The following CERT1 variants were observed in gnomAD, a reference collection of about 807,000 sequenced individuals.
CERT1 encodes the protein ceramide transfer protein.
In CERT1, 31 loss-of-function variants were observed where a neutral mutation model predicts 87.9. That is an observed-to-expected ratio of 0.35 (90% CI 0.27 to 0.48). The LOEUF (loss-of-function observed/expected upper bound fraction) is 0.48, where lower values mean the gene tolerates loss of function less well. CERT1 is among the 20% of genes least tolerant of loss of function. The pLI, the probability that CERT1 is intolerant of heterozygous loss-of-function variation, is 0.99. For missense variants in CERT1, 487 were observed against 758.0 expected (o/e 0.64, Z 4.20); for synonymous variants, 289 against 250.9 (o/e 1.15, Z -1.44).
intron 2 of CERT1, among the ~76,000 whole-genome samples, chr5:75,486,052 A>C (rs746030575): frequency 1.3e-5 from 2 of 152,110 alleles, no homozygotes; most frequent in Non-Finnish European, 2.9e-5. Flanking sequence ...CACATCAAAC[A>C]AAGAAAATTG....
At chr5:75,495,176 T>G (rs1392093189) in intron 2 of CERT1, among the ~76,000 whole-genome samples, 1 of 152,220 alleles carries the variant, frequency 6.6e-6, no homozygotes, top group Non-Finnish European at 1.5e-5. Context: ...ATTTTTAAAA[T>G]ACGTAATTGT....
In CERT1 at chr5:75,511,419, G is replaced by A; in HGVS notation, c.-212C>T. ...GCGAGGAAGGAGGACGAGCGGTGAA[G>A]GAAGCCTACCCTTCCAGCCGTCAGC... On this transcript the variant is annotated 5_prime_UTR_variant, in exon 1 of 17. Transcript: ENST00000643780. 6.5e-7 allele frequency: 1 copy of A among 1,544,994 alleles called. No homozygotes were observed. The highest frequency in any genetic ancestry group is 8.7e-7 in the Non-Finnish European group (1 of 1,145,368).
At chr5:75,511,711 G>A (rs1231217356), upstream of CERT1, 5 of 1,545,076 alleles carry the variant, frequency 3.2e-6, no homozygotes, top group Admixed American at 5.9e-5. Context: ...CCCTCCCGGC[G>A]TCTGACGCGA....
chr5:75,457,166 G>A lies in CERT1; in HGVS notation c.348+1899C>T, dbSNP rs868349612. On this transcript the variant is annotated intron_variant, in intron 3 of 16. Coordinates refer to ENST00000643780, the MANE Select transcript of CERT1 (RefSeq NM_001379029.1). ...GCACATTTAGCTTCTCTCACCTAAC[G>A]TAAAACTCTTCATCCAGAAACAAGA... 4.6e-5 allele frequency among the ~76,000 whole-genome samples: 7 copies of A among 152,098 alleles called. No individual in the cohort carries two copies. The East Asian group carries it at 1.2e-3, about 25-fold the overall frequency.
downstream of CERT1, chr5:75,375,794 T>C (rs1761278617): frequency 6.6e-6 from 1 of 151,204 alleles, no homozygotes. Flanking sequence ...ATGTTCGCTT[T>C]CCTAGGGTTT....
At chr5:75,484,878 G>C (rs1766434301) in intron 2 of CERT1, among the ~76,000 whole-genome samples, 1 of 152,048 alleles carries the variant, frequency 6.6e-6, no homozygotes, top group Non-Finnish European at 1.5e-5. Context: ...GGACCTAAAA[G>C]ATATTTACAG....
chr5:75,386,458 G>A (rs1382586910), intron 12 of CERT1, among the ~76,000 whole-genome samples: 1 of 152,152 alleles, frequency 6.6e-6, no homozygotes, highest in Non-Finnish European at 1.5e-5. Flanking sequence ...AACACAATAG[G>A]CACTCAGTTA....
At position 75,385,911 on chromosome 5, in the gene CERT1, C is replaced by T; in HGVS notation, c.1408G>A (p.Asp470Asn). 1 of 1,531,198 alleles carries T rather than the reference C, an allele frequency of 6.5e-7. No individual in the cohort carries two copies. The allele number at this position is 1,531,198 out of a possible 1,614,324, so 94.9% of individuals were successfully genotyped here. A position where few individuals can be genotyped will look rare whatever the true frequency, so the allele number is the denominator to read the frequency against. The change falls in exon 13 of 17, where the codon GAC (aspartate) becomes AAC (asparagine). Residue 470 changes from aspartate to asparagine, a missense_variant. By Grantham distance (23) the Asp-to-Asn change is conservative. Transcript: ENST00000643780. ...AATAATGACAGCTTACTTTCCCAGT[C>T]ATTGCGAACGTCAACATTCCAGAAA... ...NYFWNVDVRNDWETTIENFHV... is the reference protein window; with the variant it reads ...NYFWNVDVRNNWETTIENFHV...
chr5:75,485,312 CAAAAA>C (rs757349878), intron 2 of CERT1, among the ~76,000 whole-genome samples: 3 of 46,438 alleles, frequency 6.5e-5, no homozygotes, highest in African/African-American at 2.7e-4. Context: ...CACAAAAATA[CAAAAA>C]AAAAAAAAAA....
rs117997596 is a variant in CERT1, at chr5:75,496,369, G to T, written c.231+9613C>A. ...GCAAATGGAATTTTCACATAATGCTGGTGAGATGGTAAACTGGTACCGCCA... is the reference window on the plus strand; with the variant it reads ...GCAAATGGAATTTTCACATAATGCTTGTGAGATGGTAAACTGGTACCGCCA... On this transcript the variant is annotated intron_variant, in intron 2 of 16. Transcript: ENST00000643780. Among the ~76,000 whole-genome samples, 317 of 151,584 alleles carry T rather than the reference G, an allele frequency of 2.1e-3. 1 individual carries two copies. The East Asian group carries it at 0.028, about 13-fold the overall frequency.
chr5:75,456,663 CAAAAAAAAAAAA>C (rs34320476), intron 3 of CERT1, among the ~76,000 whole-genome samples: 2 of 69,424 alleles, frequency 2.9e-5, no homozygotes, highest in African/African-American at 5.8e-5. Flanking sequence ...GACCTCATCT[CAAAAAAAAAAAA>C]AAAAAAAAAA....
At chr5:75,505,955 G>T (rs1009387161) in intron 2 of CERT1, 27 bp downstream of exon 2, 2 of 1,584,512 alleles carry the variant, frequency 1.3e-6, no homozygotes, top group Admixed American at 3.4e-5. Flanking sequence ...ATAAATATTT[G>T]TTGAATGAAG....
chr5:75,410,678 T>G (rs1292135742), intron 8 of CERT1: 1 of 157,220 alleles, frequency 6.4e-6, no homozygotes, highest in Non-Finnish European at 1.4e-5. Context: ...TACTCAGATT[T>G]TTCCTTTATA....
chr5:75,463,452 C>G (rs1199997747), intron 2 of CERT1, among the ~76,000 whole-genome samples: 1 of 152,134 alleles, frequency 6.6e-6, no homozygotes, highest in Admixed American at 6.5e-5. Flanking sequence ...TCCATATTTT[C>G]TCATGTCAAC....
chr5:75,388,038 A>C (rs1324669229), intron 12 of CERT1, among the ~76,000 whole-genome samples: 2 of 152,186 alleles, frequency 1.3e-5, no homozygotes, highest in Non-Finnish European at 2.9e-5. Context: ...AAGAAGAAAT[A>C]AGGCAGGTCT....
Position 75,425,562 on chromosome 5 carries a change from T to C in CERT1, c.457-63A>G, listed in dbSNP as rs143158921. ...AACAAAACTGGATTTCATGTGGTCC[T>C]ATGGTATTTCATCAACTTTTAAGGT... is the stretch of plus-strand genomic sequence containing the variant. On this transcript the variant is annotated intron_variant, in intron 4 of 16. Transcript: ENST00000643780. 4.4e-4 allele frequency: 676 copies of C among 1,536,770 alleles called. 7 individuals carry two copies. In the African/African-American group the frequency reaches 5.3e-3, roughly 12 times the overall value.
chr5:75,462,960 C>CCA, intron 2 of CERT1, among the ~76,000 whole-genome samples: 1 of 144,020 alleles, frequency 6.9e-6, no homozygotes, highest in Non-Finnish European at 1.5e-5. Flanking sequence ...CTACTGTACT[C>CCA]CAGCCCGGCG....
In CERT1 at chr5:75,385,891, T is replaced by C. The variant is rs1761765579; in HGVS notation, c.1417+11A>G. On this transcript the variant is annotated intron_variant, in intron 13 of 16. Coordinates refer to ENST00000643780, the MANE Select transcript of CERT1 (RefSeq NM_001379029.1). ...ATAATAGATTAAAATATATTAATAA[T>C]GACAGCTTACTTTCCCAGTCATTGC... The C allele has an allele frequency of 6.8e-7, 1 of 1,473,986 alleles. No homozygotes were observed. The highest frequency in any genetic ancestry group is 1.4e-5 in the African/African-American group (1 of 69,396). The allele number at this position is 1,473,986 out of a possible 1,614,324, so 91.3% of individuals were successfully genotyped here.
chr5:75,439,689 C>T (rs1764240741), intron 3 of CERT1, among the ~76,000 whole-genome samples: 1 of 151,944 alleles, frequency 6.6e-6, no homozygotes. Flanking sequence ...TTGTGAGCAT[C>T]CATACATTTA....
Sources: gnomAD v4.1 joint callset for allele counts (sites outside exome capture counted in the v4.1 genomes callset) on GRCh38, gnomAD v4.1.1 for gene constraint, MANE v1.5 for transcripts, NCBI Gene and HGNC (gene_info 2026-07-23, HGNC 2026-07-21) for gene names.